The following CIMIP4 variants were observed in gnomAD, a reference collection of about 807,000 sequenced individuals.
CIMIP4 encodes protein EAN57.
the CIMIP4 span, among the ~76,000 whole-genome samples, chr22:36,994,733 C>A: frequency 4.0e-5 from 6 of 151,464 alleles, no homozygotes; most frequent in Non-Finnish European, 1.5e-5. Flanking sequence ...CGGGTTCACG[C>A]CATTCTCCTG....
the CIMIP4 span, among the ~76,000 whole-genome samples, chr22:36,999,527 GGA>G: frequency 7.2e-5 from 3 of 41,602 alleles, no homozygotes; most frequent in African/African-American, 2.9e-4. Flanking sequence ...GAAGGGGAGG[GGA>G]GGGGAGGGGA....
At chr22:37,003,231 C>G in the CIMIP4 span, among the ~76,000 whole-genome samples, 1 of 152,322 alleles carries the variant, frequency 6.6e-6, no homozygotes, top group African/African-American at 2.4e-5. Context: ...AATACAGATG[C>G]CTGGGACCCT....
the CIMIP4 span, among the ~76,000 whole-genome samples, chr22:36,998,871 C>T: frequency 6.6e-6 from 1 of 152,114 alleles, no homozygotes; most frequent in East Asian, 1.9e-4. Context: ...TGAGTGCTCA[C>T]GACTTGCCTC....
chr22:36,997,405 T>C, the CIMIP4 span, among the ~76,000 whole-genome samples: 14 of 152,238 alleles, frequency 9.2e-5, no homozygotes, highest in African/African-American at 3.4e-4. Flanking sequence ...AAGTCAACGT[T>C]AATTCCTCTC....
chr22:36,991,440 G>A, the CIMIP4 span: 14 of 1,598,402 alleles, frequency 8.8e-6, 1 homozygote, highest in East Asian at 1.1e-4. Flanking sequence ...TGCTGGTGGA[G>A]GACAGTCCCT....
the CIMIP4 span, chr22:37,004,059 A>G: frequency 1.3e-6 from 2 of 1,524,080 alleles, no homozygotes; most frequent in Non-Finnish European, 1.8e-6. Context: ...ATCGTCTCAG[A>G]TAACACACAG....
the CIMIP4 span, chr22:37,002,110 G>C: frequency 6.4e-7 from 1 of 1,567,386 alleles, no homozygotes; most frequent in South Asian, 1.2e-5. Context: ...GGGGTGGAGG[G>C]GGAATCTCCT....
At chr22:37,002,562 T>C in the CIMIP4 span, among the ~76,000 whole-genome samples, 7 of 152,276 alleles carry the variant, frequency 4.6e-5, no homozygotes, top group East Asian at 7.7e-4. Flanking sequence ...TTAGTCCACA[T>C]TGCCTGGGGC....
the CIMIP4 span, chr22:37,002,270 T>C: frequency 4.9e-6 from 7 of 1,441,646 alleles, no homozygotes; most frequent in Middle Eastern, 1.8e-4. Context: ...GCCCTCCTTG[T>C]CATTCAGATG....
chr22:37,001,941 C>T, the CIMIP4 span: 2 of 1,613,794 alleles, frequency 1.2e-6, no homozygotes, highest in Non-Finnish European at 1.7e-6. Context: ...CTCCTCTGGT[C>T]CTGAGCCCCC....
the CIMIP4 span, among the ~76,000 whole-genome samples, chr22:37,000,964 C>T: frequency 2.6e-5 from 4 of 152,108 alleles, no homozygotes; most frequent in Admixed American, 6.5e-5. Flanking sequence ...CCAAGCAGAT[C>T]GTAGCCCCTC....
At chr22:36,999,752 T>C in the CIMIP4 span, 2 of 1,511,348 alleles carry the variant, frequency 1.3e-6, no homozygotes, top group Non-Finnish European at 1.8e-6. Context: ...CTAGACCCCA[T>C]ATGGAGTGGA....
At chr22:37,002,089 G>T in the CIMIP4 span, 1 of 1,588,962 alleles carries the variant, frequency 6.3e-7, no homozygotes, top group Non-Finnish European at 8.6e-7. Context: ...AATCCCTGCT[G>T]GCAGCAGTCG....
chr22:36,994,348 C>G, the CIMIP4 span, among the ~76,000 whole-genome samples: 2 of 152,170 alleles, frequency 1.3e-5, no homozygotes, highest in African/African-American at 2.4e-5. Context: ...GAGAGGGAGT[C>G]TTGCTCTGTC....
the CIMIP4 span, chr22:37,001,891 G>A: frequency 4.3e-6 from 7 of 1,611,718 alleles, no homozygotes; most frequent in African/African-American, 8.0e-5. Flanking sequence ...TGTGGCGAAT[G>A]TTGTTAGGAA....
chr22:36,991,314 C>T, the CIMIP4 span: 1 of 1,607,868 alleles, frequency 6.2e-7, no homozygotes, highest in Non-Finnish European at 8.5e-7. Flanking sequence ...CAGATTAGAT[C>T]ATCTGGCAGT....
At chr22:36,992,328 C>G in the CIMIP4 span, among the ~76,000 whole-genome samples, 2 of 151,308 alleles carry the variant, frequency 1.3e-5, no homozygotes, top group African/African-American at 4.9e-5. Flanking sequence ...GCCTGGGCAA[C>G]AGAGAGAGAC....
At chr22:36,997,308 G>A in the CIMIP4 span, among the ~76,000 whole-genome samples, 2 of 152,216 alleles carry the variant, frequency 1.3e-5, no homozygotes, top group Admixed American at 6.5e-5. Flanking sequence ...GCATAGGATA[G>A]GAGTCCCTCA....
chr22:37,007,430 T>C, the CIMIP4 span: 2 of 152,188 alleles, frequency 1.3e-5, no homozygotes, highest in Non-Finnish European at 2.9e-5. Flanking sequence ...AAGTTCAAGT[T>C]AGCTCCAAGT....
Sources: allele counts gnomAD v4.1 joint callset (sites outside exome capture counted in the v4.1 genomes callset), GRCh38; gene constraint gnomAD v4.1.1; transcripts MANE v1.5; gene names NCBI Gene and HGNC (gene_info 2026-07-23, HGNC 2026-07-21).